Variants in CDH18 observed in about 807,000 individuals in gnomAD.
CDH18 encodes the protein cadherin 18, also known as cadherin-18.
In CDH18, 31 loss-of-function variants were observed where a neutral mutation model predicts 67.9. The ratio of observed to expected loss-of-function variants is 0.46; its 90% CI spans 0.34 to 0.62. The LOEUF (loss-of-function observed/expected upper bound fraction) is 0.62, where lower values mean the gene tolerates loss of function less well. Among genes scored for constraint, CDH18 ranks in the 20% least tolerant of loss-of-function variants. CDH18 has a pLI of 0.01. For missense variants in CDH18, 890 were observed against 975.5 expected (o/e 0.91, Z 1.17); for synonymous variants, 362 against 347.2 (o/e 1.04, Z -0.48).
chr5:20,567,756 G>A (rs1758595960), intron 1 of CDH18, among the ~76,000 whole-genome samples: 1 of 152,160 alleles, frequency 6.6e-6, no homozygotes. Flanking sequence ...CAGCATCATA[G>A]AAGAGAGGAC....
intron 7 of CDH18, among the ~76,000 whole-genome samples, chr5:19,575,410 CT>C (rs918279407): frequency 2.0e-5 from 3 of 152,104 alleles, no homozygotes; most frequent in African/African-American, 7.2e-5. Flanking sequence ...AACTCCTGTC[CT>C]TTTTCAAAAG....
In CDH18 at chr5:19,653,322, G is replaced by A. The variant is rs114677091; in HGVS notation, c.644-40721C>T. 6.9e-3 allele frequency among the ~76,000 whole-genome samples: 1,047 copies of A among 151,852 alleles called. 12 individuals are homozygous for A. Among genetic ancestry groups the A allele is most frequent in the African/African-American group, 0.024 (990 of 41,398 alleles). The stretch of plus-strand genomic sequence containing the variant: ...TTTCTCTCTCTAATCCCTAGTTAGC[G>A]GCTATTTCAGAACCATTCAGAATAA... On this transcript the variant is annotated intron_variant, in intron 5 of 12. Transcript: ENST00000382275.
At chr5:19,552,888 C>G (rs1044441721) in intron 8 of CDH18, among the ~76,000 whole-genome samples, 16 of 152,066 alleles carry the variant, frequency 1.1e-4, no homozygotes, top group Non-Finnish European at 2.2e-4. Context: ...ATTTCTACAC[C>G]ACTCTTTGTT....
chr5:20,498,529 T>C (rs2126424375), intron 1 of CDH18, among the ~76,000 whole-genome samples: 1 of 152,232 alleles, frequency 6.6e-6, no homozygotes, highest in African/African-American at 2.4e-5. Context: ...CTTAAAAAAG[T>C]GAGAGTTATA....
At chr5:20,218,640 C>A (rs1740971781) in intron 2 of CDH18, among the ~76,000 whole-genome samples, 1 of 151,900 alleles carries the variant, frequency 6.6e-6, no homozygotes, top group South Asian at 2.1e-4. Context: ...GCAGTTTCCC[C>A]TCATATTGTT....
intron 1 of CDH18, among the ~76,000 whole-genome samples, chr5:20,355,158 C>A (rs1172827322): frequency 1.3e-5 from 2 of 152,194 alleles, no homozygotes; most frequent in Admixed American, 1.3e-4. Flanking sequence ...ATTCCCCCAA[C>A]AAATGCCCTG....
intron 2 of CDH18, among the ~76,000 whole-genome samples, chr5:19,877,829 G>A (rs1447153314): frequency 6.6e-6 from 1 of 152,128 alleles, no homozygotes; most frequent in African/African-American, 2.4e-5. Flanking sequence ...CTTCACTTAA[G>A]ATCTGGGAAA....
intron 9 of CDH18, among the ~76,000 whole-genome samples, chr5:19,526,692 T>C (rs1255679472): frequency 1.3e-5 from 2 of 152,098 alleles, no homozygotes; most frequent in African/African-American, 4.8e-5. Flanking sequence ...ATCATGTCTA[T>C]GAGTGTATGC....
intron 1 of CDH18, among the ~76,000 whole-genome samples, chr5:20,432,812 G>A (rs1748855469): frequency 6.6e-6 from 1 of 150,988 alleles, no homozygotes; most frequent in East Asian, 1.9e-4. Flanking sequence ...GGGTATTGGG[G>A]GTTAGATTTC....
chr5:19,825,876 C>A (rs1465674786), intron 3 of CDH18, among the ~76,000 whole-genome samples: 1 of 151,980 alleles, frequency 6.6e-6, no homozygotes, highest in Non-Finnish European at 1.5e-5. Flanking sequence ...GAGTTCTTAA[C>A]CAGGATGAAA....
chr5:19,653,186 C>G (rs1207960609), intron 5 of CDH18, among the ~76,000 whole-genome samples: 1 of 151,886 alleles, frequency 6.6e-6, no homozygotes, highest in East Asian at 1.9e-4. Context: ...ACATTTACAC[C>G]AACTTAATAA....
At chr5:20,219,388 A>C (rs890300696) in intron 2 of CDH18, among the ~76,000 whole-genome samples, 1 of 151,898 alleles carries the variant, frequency 6.6e-6, no homozygotes, top group Non-Finnish European at 1.5e-5. Context: ...GCTGAATTTT[A>C]CCAAATATGT....
chr5:19,985,712 CAT>C (rs1799496574), intron 1 of CDH18, among the ~76,000 whole-genome samples: 1 of 151,754 alleles, frequency 6.6e-6, no homozygotes, highest in South Asian at 2.1e-4. Context: ...CAATTAAGCA[CAT>C]GAGGGCCTAA....
intron 2 of CDH18, among the ~76,000 whole-genome samples, chr5:19,861,184 G>A (rs1784854634): frequency 6.6e-6 from 1 of 152,166 alleles, no homozygotes; most frequent in Non-Finnish European, 1.5e-5. Context: ...ATATTCAGTA[G>A]TAGTAATTGC....
At chr5:19,481,917 T>C (rs1050511567) in intron 12 of CDH18, among the ~76,000 whole-genome samples, 3 of 152,192 alleles carry the variant, frequency 2.0e-5, no homozygotes, top group African/African-American at 7.2e-5. Context: ...GAAAGATTCC[T>C]TACATCCATC....
At chr5:19,936,729 G>A (rs906758374) in intron 2 of CDH18, among the ~76,000 whole-genome samples, 1 of 150,944 alleles carries the variant, frequency 6.6e-6, no homozygotes, top group South Asian at 2.1e-4. Context: ...AAACAAAATA[G>A]CCCTAAACTT....
chr5:19,938,974 T>G (rs1561594922), intron 2 of CDH18, among the ~76,000 whole-genome samples: 1 of 151,232 alleles, frequency 6.6e-6, no homozygotes, highest in Non-Finnish European at 1.5e-5. Flanking sequence ...ACCATTTTTT[T>G]GTTTAATCTT....
chr5:20,533,380 A>AG (rs1756530329), intron 1 of CDH18, among the ~76,000 whole-genome samples: 1 of 152,110 alleles, frequency 6.6e-6, no homozygotes, highest in Non-Finnish European at 1.5e-5. Context: ...CTTCTTCAAG[A>AG]GGGAAAAAAA....
At chr5:20,554,314 A>G (rs528422689) in intron 1 of CDH18, among the ~76,000 whole-genome samples, 2 of 152,228 alleles carry the variant, frequency 1.3e-5, no homozygotes, top group Non-Finnish European at 2.9e-5. Flanking sequence ...GCATACAAAC[A>G]TGTTCAAGTC....
Sources: gnomAD v4.1 joint callset for allele counts (sites outside exome capture counted in the v4.1 genomes callset) on GRCh38, gnomAD v4.1.1 for gene constraint, MANE v1.5 for transcripts, NCBI Gene and HGNC (gene_info 2026-07-23, HGNC 2026-07-21) for gene names.